CERKL: variants seen among roughly 807,000 people sequenced by gnomAD.
CERKL encodes ceramide kinase-like protein.
Under a neutral mutation model 63.4 loss-of-function variants are expected in CERKL, and 61 were observed. The observed-to-expected ratio is 0.96, with a 90% confidence interval of 0.78 to 1.19. CERKL has a LOEUF of 1.19. Ranked by LOEUF, CERKL falls within the 50% of genes most tolerant of loss-of-function variation. The pLI is 0.00. For synonymous variants in CERKL, 250 were observed against 230.5 expected (o/e 1.08, Z -0.77); for missense variants, 675 against 655.5 (o/e 1.03, Z -0.33).
In CERKL at chr2:181,548,756, G is replaced by A. The variant is rs1162845693; in HGVS notation, c.997C>T (p.Leu333=). 2 of 1,613,928 alleles carry A rather than the reference G, an allele frequency of 1.2e-6. No individual in the cohort carries two copies. The highest frequency in any genetic ancestry group is 1.3e-5 in the African/African-American group (1 of 74,946). The change falls in exon 7 of 13, where the codon CTG becomes TTG. Residue 333 remains leucine (L), a synonymous_variant. Transcript: ENST00000410087. ...MFGFGGRTLA[L]AEKYRWMSPN... ...GACATCCATCGATATTTTTCTGCCAGAGCCAAAGTTCTTCCACCAAAGCCA... is the reference window on the plus strand; with the variant it reads ...GACATCCATCGATATTTTTCTGCCAAAGCCAAAGTTCTTCCACCAAAGCCA...
At chr2:181,574,737 G>T (rs1290624154) in intron 2 of CERKL, among the ~76,000 whole-genome samples, 1 of 152,134 alleles carries the variant, frequency 6.6e-6, no homozygotes, top group African/African-American at 2.4e-5. Flanking sequence ...GATTAAACAA[G>T]CAGTTATTAA....
At chr2:181,643,447 C>T (rs1357224774) in intron 1 of CERKL, among the ~76,000 whole-genome samples, 1 of 152,178 alleles carries the variant, frequency 6.6e-6, no homozygotes, top group Non-Finnish European at 1.5e-5. Context: ...ATAAAAGATC[C>T]TGTAGTGCTT....
chr2:181,652,581 A>G (rs1687986522), intron 1 of CERKL, among the ~76,000 whole-genome samples: 1 of 152,212 alleles, frequency 6.6e-6, no homozygotes, highest in South Asian at 2.1e-4. Flanking sequence ...CTGAGCAAGG[A>G]TTTTTAAAAT....
At chr2:181,559,786 G>C (rs1345883523) in intron 4 of CERKL, among the ~76,000 whole-genome samples, 1 of 152,100 alleles carries the variant, frequency 6.6e-6, no homozygotes. Context: ...GTGACCAAAG[G>C]CTGAAAGTGT....
At chr2:181,565,315 C>A in intron 4 of CERKL, 2 of 739,774 alleles carry the variant, frequency 2.7e-6, no homozygotes, top group East Asian at 2.6e-5. Flanking sequence ...TATCTACTCA[C>A]GTAAAAAGAA....
rs200145292 is a variant in CERKL at position 181,537,381 on chromosome 2, G to C, written c.*803C>G. The C allele has an allele frequency of 2.2e-6, 1 of 453,404 alleles. No individual in the cohort carries two copies. Among genetic ancestry groups the C allele is most frequent in the Non-Finnish European group, 4.4e-6 (1 of 226,474 alleles). 28.1% of individuals were successfully genotyped at this position (453,404 alleles called of 1,614,324 possible). A position where few individuals can be genotyped will look rare whatever the true frequency, so the allele number is the denominator to read the frequency against. Reference sequence around the variant, plus strand: ...TACAAGGGGAACACAATTACATATTGGGCTAGATTTTGCCCAGTTCAAAAT... The same window carrying C: ...TACAAGGGGAACACAATTACATATTCGGCTAGATTTTGCCCAGTTCAAAAT... On this transcript the variant is annotated 3_prime_UTR_variant, in exon 13 of 13. Transcript: ENST00000410087.
chr2:181,651,855 A>T (rs1034914382), intron 1 of CERKL, among the ~76,000 whole-genome samples: 2 of 150,364 alleles, frequency 1.3e-5, no homozygotes, highest in Admixed American at 1.3e-4. Context: ...GCATTTCTAT[A>T]CACTAATATT....
intron 1 of CERKL, among the ~76,000 whole-genome samples, chr2:181,632,088 T>G (rs928267304): frequency 3.9e-5 from 6 of 152,234 alleles, no homozygotes; most frequent in Admixed American, 2.6e-4. Context: ...TTCCAGTTTG[T>G]TGTTTTTCAC....
At chr2:181,590,706 C>T (rs1173516956) in intron 2 of CERKL, among the ~76,000 whole-genome samples, 1 of 152,164 alleles carries the variant, frequency 6.6e-6, no homozygotes, top group Non-Finnish European at 1.5e-5. Context: ...TGTATTAAAA[C>T]TATATTGATA....
intron 1 of CERKL, among the ~76,000 whole-genome samples, chr2:181,639,842 G>T (rs916081315): frequency 7.2e-5 from 11 of 152,192 alleles, no homozygotes; most frequent in Non-Finnish European, 1.6e-4. Context: ...GGTTAAACAA[G>T]ATAAGATACT....
rs750466083 is a variant in CERKL at position 181,558,607 on chromosome 2, G to A, written c.779C>T (p.Thr260Ile). 6.2e-6 allele frequency: 10 copies of A among 1,613,648 alleles called. No individual in the cohort carries two copies. The South Asian group carries it at 7.7e-5, about 12-fold the overall frequency. The part of the protein sequence containing the change: ...NAGMETDRIL[T>I]PVRAQLPLGL... ...AAGTGGAAGCTGTGCTCTGACAGGAGTCAGGATTCGGTCTGTTTCCATCCC... is the reference window on the plus strand; with the variant it reads ...AAGTGGAAGCTGTGCTCTGACAGGAATCAGGATTCGGTCTGTTTCCATCCC... The change falls in exon 5 of 13, where the codon ACT becomes ATT. Residue 260 changes from threonine (T) to isoleucine (I), a missense_variant. By Grantham distance (89) the Thr-to-Ile change is moderately conservative. Transcript: ENST00000410087. This position sits in a 1 kb window ranked among gnomAD's most constrained non-coding sequence, Gnocchi z 4.2.
intron 2 of CERKL, among the ~76,000 whole-genome samples, chr2:181,598,262 T>C (rs1250280329): frequency 2.6e-5 from 4 of 152,208 alleles, no homozygotes; most frequent in East Asian, 1.9e-4. Flanking sequence ...TGCCCTAGAC[T>C]GGGGGAAGAG....
At chr2:181,654,023 ATACAAT>A (rs1376058116) in intron 1 of CERKL, among the ~76,000 whole-genome samples, 9 of 152,328 alleles carry the variant, frequency 5.9e-5, no homozygotes, top group Middle Eastern at 3.4e-3. Context: ...TCATAAATAT[ATACAAT>A]TACAATGTGT....
At chr2:181,595,360 T>C (rs1685158419) in intron 2 of CERKL, among the ~76,000 whole-genome samples, 1 of 149,820 alleles carries the variant, frequency 6.7e-6, no homozygotes, top group Non-Finnish European at 1.5e-5. Flanking sequence ...ATGCTGACCC[T>C]ACGGGTTGCC....
intron 11 of CERKL, among the ~76,000 whole-genome samples, chr2:181,541,468 A>G (rs1486793660): frequency 4.6e-5 from 7 of 152,218 alleles, no homozygotes; most frequent in African/African-American, 1.7e-4. Context: ...GAGGGTGGTA[A>G]TAAGAGGTGG....
chr2:181,573,257 C>G (rs887906352), intron 3 of CERKL, among the ~76,000 whole-genome samples: 9 of 152,116 alleles, frequency 5.9e-5, no homozygotes, highest in Admixed American at 3.9e-4. Context: ...TTAGTTTAGA[C>G]AACAAATTTA....
intron 1 of CERKL, among the ~76,000 whole-genome samples, chr2:181,629,945 C>T (rs924687873): frequency 1.2e-4 from 16 of 135,328 alleles, no homozygotes; most frequent in African/African-American, 4.1e-4. Context: ...AGTAATCACA[C>T]ATTAACCATT....
chr2:181,579,805 G>T (rs1334450300), intron 2 of CERKL, among the ~76,000 whole-genome samples: 1 of 151,598 alleles, frequency 6.6e-6, no homozygotes, highest in Non-Finnish European at 1.5e-5. Flanking sequence ...TTTCCAGATG[G>T]CTATCTACCT....
At chr2:181,615,363 G>C (rs1018924146) in intron 1 of CERKL, among the ~76,000 whole-genome samples, 2 of 152,216 alleles carry the variant, frequency 1.3e-5, no homozygotes. Context: ...ATAGAACAGC[G>C]AATGGCACTT....
Sources: gnomAD v4.1 joint callset for allele counts (sites outside exome capture counted in the v4.1 genomes callset) on GRCh38, gnomAD v4.1.1 for gene constraint, Gnocchi (gnomAD v3.1) non-coding constraint, MANE v1.5 for transcripts, NCBI Gene and HGNC (gene_info 2026-07-23, HGNC 2026-07-21) for gene names.